The following GIMD1 variants were observed in gnomAD, a reference collection of about 807,000 sequenced individuals.
GIMD1 encodes the protein GIMAP family P-loop NTPase domain containing 1, also known as GTPase IMAP family member GIMD1.
In GIMD1, 14 loss-of-function variants were observed where a neutral mutation model predicts 14.9. That is an observed-to-expected ratio of 0.94 (90% CI 0.62 to 1.47). The LOEUF is 1.47. GIMD1 is among the 40% of genes most tolerant of loss of function. GIMD1 has a pLI of 0.00. For synonymous variants in GIMD1, 91 were observed against 90.5 expected (o/e 1.01, Z -0.03); for missense variants, 272 against 255.3 (o/e 1.07, Z -0.44).
chr4:106,360,246 T>A (rs1307193364), intron 2 of GIMD1, among the ~76,000 whole-genome samples: 1 of 152,000 alleles, frequency 6.6e-6, no homozygotes, highest in Non-Finnish European at 1.5e-5. Context: ...TTTCTTCATA[T>A]GTGTTCAAAA....
intron 2 of GIMD1, among the ~76,000 whole-genome samples, chr4:106,361,590 A>G (rs912093113): frequency 2.0e-5 from 3 of 152,090 alleles, no homozygotes; most frequent in Non-Finnish European, 4.4e-5. Flanking sequence ...TTAGAGCCAG[A>G]CCTGATATTC....
chr4:106,361,249 T>C (rs973052133), intron 2 of GIMD1, among the ~76,000 whole-genome samples: 1 of 152,090 alleles, frequency 6.6e-6, no homozygotes, highest in Non-Finnish European at 1.5e-5. Context: ...GATTTTTGTG[T>C]ACTAAATTAA....
intron 2 of GIMD1, among the ~76,000 whole-genome samples, chr4:106,359,808 A>G (rs571861444): frequency 5.4e-4 from 82 of 151,960 alleles, no homozygotes; most frequent in Admixed American, 2.2e-3. Context: ...GGATAGGTAA[A>G]TCTAACATGA....
intron 2 of GIMD1, among the ~76,000 whole-genome samples, chr4:106,359,162 A>G (rs773157490): frequency 1.3e-4 from 20 of 151,978 alleles, no homozygotes; most frequent in Admixed American, 4.6e-4. Context: ...ATAAGCTGAT[A>G]TAAAGCAGAA....
chr4:106,368,342 C>T (rs1369259470), intron 1 of GIMD1, among the ~76,000 whole-genome samples: 4 of 152,238 alleles, frequency 2.6e-5, no homozygotes, highest in African/African-American at 9.6e-5. Flanking sequence ...GAGTTACTTG[C>T]CAATTGCTAA....
At chr4:106,365,429 G>A (rs1443468606) in intron 2 of GIMD1, among the ~76,000 whole-genome samples, 3 of 150,198 alleles carry the variant, frequency 2.0e-5, no homozygotes, top group Non-Finnish European at 4.4e-5. Context: ...CACAGTTACT[G>A]AAAAACAATG....
chr4:106,363,388 T>G (rs753984354), intron 2 of GIMD1, among the ~76,000 whole-genome samples: 14 of 152,116 alleles, frequency 9.2e-5, no homozygotes, highest in Non-Finnish European at 1.0e-4. Flanking sequence ...AGCTAAGACT[T>G]GAATACTTTA....
chr4:106,364,363 T>C (rs1478920717), intron 2 of GIMD1, among the ~76,000 whole-genome samples: 1 of 152,106 alleles, frequency 6.6e-6, no homozygotes, highest in Non-Finnish European at 1.5e-5. Flanking sequence ...TACTCCATAC[T>C]CCATTTTGCA....
At chr4:106,359,669 A>T (rs369713370) in intron 2 of GIMD1, among the ~76,000 whole-genome samples, 21 of 151,790 alleles carry the variant, frequency 1.4e-4, no homozygotes, top group East Asian at 1.2e-3. Context: ...AAAATACAGG[A>T]TTAGAATTTA....
intron 2 of GIMD1, among the ~76,000 whole-genome samples, chr4:106,366,807 A>G (rs1297888454): frequency 6.6e-6 from 1 of 152,004 alleles, no homozygotes; most frequent in Non-Finnish European, 1.5e-5. Context: ...AACCAGTTGT[A>G]AAATGACTGA....
chr4:106,368,093 C>T (rs1406874507), intron 1 of GIMD1, among the ~76,000 whole-genome samples: 1 of 152,006 alleles, frequency 6.6e-6, no homozygotes, highest in Non-Finnish European at 1.5e-5. Flanking sequence ...ATACAAACTA[C>T]TTGTAATTTC....
chr4:106,367,118 G>T lies in GIMD1; in HGVS notation c.318C>A (p.His106Gln). 6.5e-7 allele frequency: 1 copy of T among 1,535,446 alleles called. No individual in the cohort carries two copies. The highest frequency in any genetic ancestry group is 8.7e-7 in the Non-Finnish European group (1 of 1,146,492). ...CTGCTCTCTGAACCAGGAGTGCAAGGTGGAGACCCCCTTGCCCGAAGTGAT... is the reference window on the plus strand; with the variant it reads ...CTGCTCTCTGAACCAGGAGTGCAAGTTGGAGACCCCCTTGCCCGAAGTGAT... The part of the protein sequence containing the change: ...LAHHFGQGGL[H>Q]LALLVQRADV... Residue 106 changes from histidine to glutamine, a missense_variant, in exon 2 of 3, where the codon CAC becomes CAA. His to Gln is a conservative substitution (Grantham distance 24, BLOSUM62 0). Coordinates refer to ENST00000638719, the MANE Select transcript of GIMD1 (RefSeq NM_001195138.2).
chr4:106,361,049 C>A (rs1235885240), intron 2 of GIMD1, among the ~76,000 whole-genome samples: 1 of 152,030 alleles, frequency 6.6e-6, no homozygotes, highest in Non-Finnish European at 1.5e-5. Context: ...ATCAGAATCA[C>A]CTGGGAGGCT....
At chr4:106,366,710 G>C (rs1000774148) in intron 2 of GIMD1, among the ~76,000 whole-genome samples, 1 of 152,036 alleles carries the variant, frequency 6.6e-6, no homozygotes, top group Non-Finnish European at 1.5e-5. Flanking sequence ...GGGACAACAT[G>C]TTACAAACTT....
At chr4:106,361,645 A>T (rs1230663353) in intron 2 of GIMD1, among the ~76,000 whole-genome samples, 3 of 152,084 alleles carry the variant, frequency 2.0e-5, no homozygotes, top group Admixed American at 2.0e-4. Flanking sequence ...TCAGATATCA[A>T]AATGTTTTCA....
rs529536617 is a variant in GIMD1 at position 106,358,269 on chromosome 4, A to C, written c.568T>G (p.Ser190Ala). ...KYVFQYKKGK[S>A]LNEQRMKILE... ...ATTTTCATTCTTTGTTCATTGAGTG[A>C]TTTTCCTTTTTTGTACTGGAAAACG... The change falls in exon 3 of 3, where the codon TCA becomes GCA. Residue 190 changes from serine (S) to alanine (A), a missense_variant. By Grantham distance (99) the Ser-to-Ala change is moderately conservative. Transcript: ENST00000638719. The C allele has an allele frequency of 1.5e-4, 235 of 1,529,642 alleles. 2 individuals are homozygous for C. The South Asian group carries it at 2.6e-3, about 17-fold the overall frequency. The allele number at this position is 1,529,642 out of a possible 1,614,324, so 94.8% of individuals were successfully genotyped here.
chr4:106,360,304 T>C (rs1217643354), intron 2 of GIMD1, among the ~76,000 whole-genome samples: 1 of 152,012 alleles, frequency 6.6e-6, no homozygotes, highest in East Asian at 1.9e-4. Context: ...TTCTATTCCT[T>C]CTAAAAATAC....
intron 2 of GIMD1, among the ~76,000 whole-genome samples, 182 bp downstream of exon 2, chr4:106,366,861 C>T (rs1770707187): frequency 6.6e-6 from 1 of 150,760 alleles, no homozygotes; most frequent in Non-Finnish European, 1.5e-5. Flanking sequence ...TTGGGAAAAT[C>T]AAATAATTTT....
chr4:106,364,334 G>T (rs935560994), intron 2 of GIMD1, among the ~76,000 whole-genome samples: 2 of 152,138 alleles, frequency 1.3e-5, no homozygotes, highest in African/African-American at 4.8e-5. Context: ...CTGAAAAGGG[G>T]TAAAAGAAAG....
Sources: gnomAD v4.1 joint callset for allele counts (sites outside exome capture counted in the v4.1 genomes callset) on GRCh38, gnomAD v4.1.1 for gene constraint, MANE v1.5 for transcripts, NCBI Gene and HGNC (gene_info 2026-07-23, HGNC 2026-07-21) for gene names.